The following ADAM7 variants were observed in gnomAD, a reference collection of about 807,000 sequenced individuals.
ADAM7 encodes the protein ADAM metallopeptidase domain 7.
In ADAM7, 97 loss-of-function variants were observed where a neutral mutation model predicts 102.9. The ratio of observed to expected loss-of-function variants is 0.94; its 90% CI spans 0.80 to 1.12. ADAM7 has a LOEUF of 1.12. Among genes scored for constraint, ADAM7 ranks in the 50% most tolerant of loss-of-function variants. The probability of loss-of-function intolerance (pLI) is 0.00; values close to 1 mark genes in which losing one functional copy is unlikely to be tolerated. For missense variants in ADAM7, 991 were observed against 908.7 expected (o/e 1.09, Z -1.16); for synonymous variants, 334 against 304.4 (o/e 1.10, Z -1.01).
At chr8:24,442,213 T>G (rs1461109862) in intron 1 of ADAM7, among the ~76,000 whole-genome samples, 1 of 152,068 alleles carries the variant, frequency 6.6e-6, no homozygotes, top group African/African-American at 2.4e-5. Context: ...AAATTACAGC[T>G]GCAGAACATG....
rs1223559129 is a variant in ADAM7, at chr8:24,509,255, TACTC to T, written c.*712_*715del. ...AAAATTTACTCCAAGTGAGAGGACA[TACTC>T]ACAACTCCTATGAAGGGTTTCTAAG... is the stretch of plus-strand genomic sequence containing the variant. On this transcript the variant is annotated 3_prime_UTR_variant, in exon 22 of 22. Transcript: ENST00000175238. The T allele has an allele frequency of 4.1e-6, 4 of 985,324 alleles. No homozygotes were observed. The highest frequency in any genetic ancestry group is 3.5e-5 in the African/African-American group (2 of 57,238). The allele number at this position is 985,324 out of a possible 1,614,324, so 61.0% of individuals were successfully genotyped here.
At chr8:24,462,982 A>G (rs1181242774) in intron 3 of ADAM7, among the ~76,000 whole-genome samples, 1 of 152,136 alleles carries the variant, frequency 6.6e-6, no homozygotes, top group Non-Finnish European at 1.5e-5. Context: ...TGGAGTAAAA[A>G]CAGCAGCAAC....
intron 8 of ADAM7, among the ~76,000 whole-genome samples, chr8:24,481,604 C>T (rs1033948280): frequency 1.3e-5 from 2 of 152,192 alleles, no homozygotes; most frequent in African/African-American, 2.4e-5. Flanking sequence ...TTATAGGCTA[C>T]AACTATTTCT....
At chr8:24,452,470 A>C (rs980372449) in intron 3 of ADAM7, among the ~76,000 whole-genome samples, 3 of 151,348 alleles carry the variant, frequency 2.0e-5, no homozygotes, top group Non-Finnish European at 4.4e-5. Context: ...CTAGGATTGC[A>C]ACCCCTGCCT....
chr8:24,493,603 G>A (rs891051180), intron 16 of ADAM7, among the ~76,000 whole-genome samples: 1 of 152,046 alleles, frequency 6.6e-6, no homozygotes. Flanking sequence ...GCCACTGACT[G>A]TACACTAAAG....
At chr8:24,506,058 G>C in intron 20 of ADAM7, 1 of 1,461,272 alleles carries the variant, frequency 6.8e-7, no homozygotes, top group Non-Finnish European at 9.4e-7. Flanking sequence ...TATTTACTAG[G>C]AATTGCAGGT....
chr8:24,486,113 T>C (rs1296089377), intron 10 of ADAM7, among the ~76,000 whole-genome samples: 2 of 152,180 alleles, frequency 1.3e-5, no homozygotes, highest in Admixed American at 6.5e-5. Flanking sequence ...GCTGTTAGAT[T>C]ATTGCTACTC....
chr8:24,499,829 T>C (rs903002720), intron 17 of ADAM7, among the ~76,000 whole-genome samples: 28 of 137,018 alleles, frequency 2.0e-4, no homozygotes, highest in African/African-American at 7.6e-4. Context: ...CACACACACA[T>C]CACACATCAC....
intron 3 of ADAM7, among the ~76,000 whole-genome samples, chr8:24,449,026 C>T (rs1818674695): frequency 1.3e-5 from 2 of 152,158 alleles, no homozygotes; most frequent in Admixed American, 6.6e-5. Context: ...TGTATATGTG[C>T]CACATTTTCT....
rs555426212 is a variant in ADAM7, at chr8:24,468,687, C to T, written c.580-80C>T. ...ATCAACATTTCTTACCTTGAAAATA[C>T]TAGGATTTTTTTTCCAACTTAAAGG... On this transcript the variant is annotated intron_variant, in intron 6 of 21. Coordinates refer to ENST00000175238, the MANE Select transcript of ADAM7 (RefSeq NM_003817.4). The T allele has an allele frequency of 4.8e-6, 6 of 1,255,620 alleles. No homozygotes were observed. The African/African-American group carries it at 8.9e-5, about 19-fold the overall frequency. The allele number at this position is 1,255,620 out of a possible 1,614,324, so 77.8% of individuals were successfully genotyped here. A position where few individuals can be genotyped will look rare whatever the true frequency, so the allele number is the denominator to read the frequency against.
chr8:24,489,086 A>G (rs952217654), intron 11 of ADAM7, 73 bp from the exon 12 acceptor site: 5 of 1,356,814 alleles, frequency 3.7e-6, no homozygotes, highest in Admixed American at 5.1e-5. Context: ...AATGCTTCAT[A>G]AAATGCTCAC....
intron 3 of ADAM7, among the ~76,000 whole-genome samples, chr8:24,449,463 G>C (rs1488864405): frequency 6.6e-6 from 1 of 152,168 alleles, no homozygotes; most frequent in South Asian, 2.1e-4. Context: ...TTTGAGAAGT[G>C]TCTGTTCATG....
intron 10 of ADAM7, among the ~76,000 whole-genome samples, chr8:24,486,005 G>T (rs1249888130): frequency 6.6e-6 from 1 of 152,066 alleles, no homozygotes; most frequent in African/African-American, 2.4e-5. Flanking sequence ...ATGACCACAT[G>T]ACTTACTTAT....
At chr8:24,463,415 C>T (rs1189772038) in intron 3 of ADAM7, among the ~76,000 whole-genome samples, 1 of 151,996 alleles carries the variant, frequency 6.6e-6, no homozygotes, top group African/African-American at 2.4e-5. Flanking sequence ...GGGCTCAATT[C>T]CAAATACAGC....
intron 6 of ADAM7, 150 bp from the exon 7 acceptor site, chr8:24,468,617 C>G: frequency 1.5e-6 from 1 of 653,760 alleles, no homozygotes; most frequent in Non-Finnish European, 2.6e-6. Flanking sequence ...TAGATAAATT[C>G]GTACAATTTT....
At chr8:24,451,998 C>T (rs1485970073) in intron 3 of ADAM7, among the ~76,000 whole-genome samples, 3 of 152,178 alleles carry the variant, frequency 2.0e-5, no homozygotes, top group Non-Finnish European at 4.4e-5. Flanking sequence ...AGTTTGATTG[C>T]ACTGTGGTCT....
At position 24,491,562 on chromosome 8, in the gene ADAM7, C is replaced by T. The variant is rs185891141; in HGVS notation, c.1357-341C>T. Reference sequence around the variant, plus strand: ...TCATTATAAGCAGGGGTTCCCAATTCGAGGTGGGTAGGGGGTAGGCAGGGT... The same window carrying T: ...TCATTATAAGCAGGGGTTCCCAATTTGAGGTGGGTAGGGGGTAGGCAGGGT... On this transcript the variant is annotated intron_variant, in intron 13 of 21. Coordinates refer to ENST00000175238, the MANE Select transcript of ADAM7 (RefSeq NM_003817.4). Among the ~76,000 whole-genome samples, 454 of 152,120 alleles carry T rather than the reference C, an allele frequency of 3.0e-3. 3 individuals are homozygous for T. The highest frequency in any genetic ancestry group is 2.6e-3 in the Non-Finnish European group (175 of 67,994).
intron 3 of ADAM7, among the ~76,000 whole-genome samples, chr8:24,448,753 C>T (rs1421580620): frequency 6.6e-6 from 1 of 151,976 alleles, no homozygotes; most frequent in Non-Finnish European, 1.5e-5. Context: ...TGGTGTGCTG[C>T]ACCCATTAAC....
intron 3 of ADAM7, among the ~76,000 whole-genome samples, chr8:24,456,699 C>T (rs189141832): frequency 6.6e-4 from 99 of 150,944 alleles, no homozygotes; most frequent in African/African-American, 2.3e-3. Flanking sequence ...ACAAGAATCA[C>T]ACTACATGTA....
Sources: allele counts gnomAD v4.1 joint callset (sites outside exome capture counted in the v4.1 genomes callset), GRCh38; gene constraint gnomAD v4.1.1; transcripts MANE v1.5; gene names NCBI Gene and HGNC (gene_info 2026-07-23, HGNC 2026-07-21).